POLA1: variants seen among roughly 807,000 people sequenced by gnomAD.
The protein encoded by POLA1 is DNA polymerase alpha 1, catalytic subunit, also known as DNA polymerase alpha catalytic subunit.
In POLA1, 15 loss-of-function variants were observed where a neutral mutation model predicts 124.0. The observed-to-expected ratio is 0.12, with a 90% CI of 0.08 to 0.19. The LOEUF (loss-of-function observed/expected upper bound fraction) is 0.19. Ranked by LOEUF, POLA1 falls within the 10% of genes least tolerant of loss-of-function variation. The pLI, the probability that POLA1 is intolerant of heterozygous loss-of-function variation, is 1.00. For synonymous variants in POLA1, 408 were observed against 389.4 expected (o/e 1.05, Z -0.56); for missense variants, 886 against 1,103.4 (o/e 0.80, Z 2.79).
intron 35 of POLA1, among the ~76,000 whole-genome samples, chrX:24,892,695 G>A (rs1329755425): frequency 1.8e-5 from 2 of 111,905 alleles, no homozygotes; most frequent in Non-Finnish European, 1.9e-5. Context: ...TCTCATTAAC[G>A]TATTCATTCT....
intron 36 of POLA1, among the ~76,000 whole-genome samples, chrX:24,994,939 C>G (rs2048584953): frequency 9.0e-6 from 1 of 111,059 alleles, no homozygotes; most frequent in Admixed American, 9.5e-5. Flanking sequence ...GCCTGGAATC[C>G]CAGCACTTTG....
intron 36 of POLA1, among the ~76,000 whole-genome samples, chrX:24,935,985 G>A (rs1227515387): frequency 8.9e-6 from 1 of 112,646 alleles, no homozygotes; most frequent in Admixed American, 9.4e-5. Flanking sequence ...TTTTGCTGAT[G>A]CCAGATTTAA....
At chrX:24,902,032 C>T (rs1357378434) in intron 35 of POLA1, among the ~76,000 whole-genome samples, 1 of 111,222 alleles carries the variant, frequency 9.0e-6, no homozygotes, top group Non-Finnish European at 1.9e-5. Context: ...ACACGCACAC[C>T]CCTGTACATG....
chrX:24,742,378 T>G (rs768962581), intron 22 of POLA1, among the ~76,000 whole-genome samples: 9 of 112,406 alleles, frequency 8.0e-5, no homozygotes, highest in Non-Finnish European at 5.6e-5. Context: ...ATTAGACCTC[T>G]CTGATGGGTG....
chrX:24,776,397 CT>C (rs2148445956), intron 26 of POLA1, among the ~76,000 whole-genome samples: 1 of 111,594 alleles, frequency 9.0e-6, no homozygotes, highest in Non-Finnish European at 1.9e-5. Flanking sequence ...ATTTTCCCCC[CT>C]TTTCCTAAAT....
chrX:24,824,139 G>T (rs2046134798), intron 31 of POLA1, among the ~76,000 whole-genome samples: 1 of 111,955 alleles, frequency 8.9e-6, no homozygotes, highest in African/African-American at 3.2e-5. Context: ...TCTCTCTGAA[G>T]TATGTACTTT....
chrX:24,703,318 G>A lies in POLA1; in HGVS notation c.236G>A (p.Arg79His). 2.5e-6 allele frequency: 3 copies of A among 1,203,716 alleles called. No individual in the cohort carries two copies. The highest frequency in any genetic ancestry group is 3.4e-6 in the Non-Finnish European group (3 of 888,869). Residue 79 changes from arginine to histidine, a missense_variant, in exon 3 of 37, where the codon CGC becomes CAC. Arg to His is a conservative substitution (Grantham distance 29). Around this residue, in one of 7 missense-constraint regions of POLA1, gnomAD observed 337 missense variants for 402.8 expected, o/e 0.84. Transcript: ENST00000379068. The part of the protein sequence containing the change: ...EEQYSKLVQA[R>H]QDDDWIVDDD... ...CAGTATTCGAAGCTGGTTCAGGCAC[G>A]CCAGGATGATGACTGGATTGTGGAT...
At chrX:24,809,466 A>G (rs773791778) in intron 26 of POLA1, among the ~76,000 whole-genome samples, 7 of 111,533 alleles carry the variant, frequency 6.3e-5, no homozygotes, top group South Asian at 7.6e-4. Context: ...TCTTTCTTCA[A>G]TGAATTTAGT....
chrX:24,707,950 G>A (rs1034689525), intron 4 of POLA1, among the ~76,000 whole-genome samples: 1 of 112,013 alleles, frequency 8.9e-6, no homozygotes, highest in Non-Finnish European at 1.9e-5. Context: ...AGCCAAGATC[G>A]TGCCACTGCA....
chrX:24,793,828 G>A (rs1399367072), intron 26 of POLA1, among the ~76,000 whole-genome samples: 2 of 110,330 alleles, frequency 1.8e-5, no homozygotes, highest in South Asian at 3.9e-4. Context: ...CAGGTGATCC[G>A]CCCGCGCCAG....
At chrX:24,773,041 C>T (rs923948237) in intron 26 of POLA1, among the ~76,000 whole-genome samples, 10 of 111,941 alleles carry the variant, frequency 8.9e-5, no homozygotes, top group Admixed American at 9.5e-5. Context: ...GATAAAACAT[C>T]GCCACAGTTA....
intron 36 of POLA1, among the ~76,000 whole-genome samples, chrX:24,991,550 C>T (rs1655047566): frequency 8.9e-6 from 1 of 112,549 alleles, no homozygotes. Context: ...GGCCCCATGG[C>T]ACCTCCATTT....
intron 34 of POLA1, among the ~76,000 whole-genome samples, chrX:24,863,263 C>A (rs1569342289): frequency 9.3e-6 from 1 of 107,233 alleles, no homozygotes. Context: ...AGTATGCCCC[C>A]CCCCATCTTC....
At chrX:24,848,940 C>A (rs762572105) in intron 34 of POLA1, among the ~76,000 whole-genome samples, 1 of 112,296 alleles carries the variant, frequency 8.9e-6, no homozygotes, top group Admixed American at 9.4e-5. Flanking sequence ...AGTAACTCTA[C>A]TGTAGTTTCA....
intron 36 of POLA1, among the ~76,000 whole-genome samples, chrX:24,992,868 A>G (rs2048550828): frequency 1.8e-5 from 2 of 112,749 alleles, no homozygotes; most frequent in Non-Finnish European, 3.7e-5. Context: ...TTCATCCCAT[A>G]TAGAAAAGAA....
chrX:24,945,881 A>G (rs1033410336), intron 36 of POLA1, among the ~76,000 whole-genome samples: 1 of 111,586 alleles, frequency 9.0e-6, no homozygotes, highest in African/African-American at 3.3e-5. Context: ...GGAAGCATTT[A>G]TGGTGCTGTA....
intron 34 of POLA1, among the ~76,000 whole-genome samples, chrX:24,875,512 T>C (rs772778274): frequency 8.1e-5 from 9 of 111,192 alleles, no homozygotes; most frequent in Admixed American, 3.8e-4. Context: ...TGAGAAGGAG[T>C]TAATGTGTCA....
At chrX:24,762,173 A>T (rs368153558) in intron 26 of POLA1, among the ~76,000 whole-genome samples, 1 of 111,690 alleles carries the variant, frequency 9.0e-6, no homozygotes, top group Non-Finnish European at 1.9e-5. Context: ...GTAGCTATCT[A>T]CTGTTGTTTC....
At chrX:24,801,915 AGGTGGGTG>A (rs1312651067) in intron 26 of POLA1, among the ~76,000 whole-genome samples, 2 of 47,356 alleles carry the variant, frequency 4.2e-5, no homozygotes, top group African/African-American at 2.2e-4. Context: ...CCACTAGGAG[AGGTGGGTG>A]GGTGTGTGTG....
Sources: gnomAD v4.1 joint callset for allele counts (sites outside exome capture counted in the v4.1 genomes callset) on GRCh38, gnomAD v4.1.1 for gene constraint, gnomAD v4.1.1 regional missense constraint, MANE v1.5 for transcripts, NCBI Gene and HGNC (gene_info 2026-07-23, HGNC 2026-07-21) for gene names.